PDE4B: variants seen among roughly 807,000 people sequenced by gnomAD.
PDE4B encodes the protein 3',5'-cyclic-AMP phosphodiesterase 4B.
In PDE4B, 20 loss-of-function variants were observed where a neutral mutation model predicts 82.2. The observed-to-expected ratio is 0.24, with a 90% CI of 0.17 to 0.35. The LOEUF is 0.35. Ranked by LOEUF, PDE4B falls within the 10% of genes least tolerant of loss-of-function variation. The probability of loss-of-function intolerance (pLI) is 1.00; values close to 1 mark genes in which losing one functional copy is unlikely to be tolerated. For missense variants in PDE4B, 655 were observed against 907.2 expected (o/e 0.72, Z 3.57); for synonymous variants, 320 against 318.9 (o/e 1.00, Z -0.04).
At chr1:65,842,869 A>T (rs1254066616) in intron 1 of PDE4B, among the ~76,000 whole-genome samples, 2 of 152,196 alleles carry the variant, frequency 1.3e-5, no homozygotes, top group Non-Finnish European at 2.9e-5. Flanking sequence ...TTCACAGAAG[A>T]GACATTGACA....
At chr1:66,316,159 A>G (rs1659014352) in intron 7 of PDE4B, among the ~76,000 whole-genome samples, 1 of 152,262 alleles carries the variant, frequency 6.6e-6, no homozygotes, top group South Asian at 2.1e-4. Context: ...GCTAAATTAA[A>G]GCAATCACCC....
At chr1:66,032,076 A>G (rs937607) in intron 3 of PDE4B, among the ~76,000 whole-genome samples, 15,337 of 152,262 alleles carry the variant, frequency 0.1, 909 homozygotes, top group Admixed American at 0.19. Context: ...CTCACCATCA[A>G]CTAGGCTTGT....
At chr1:66,299,970 A>C in intron 7 of PDE4B, among the ~76,000 whole-genome samples, 1 of 152,324 alleles carries the variant, frequency 6.6e-6, no homozygotes, top group South Asian at 2.1e-4. Flanking sequence ...TATATGTTAT[A>C]ATATGAATTA....
intron 16 of PDE4B, among the ~76,000 whole-genome samples, chr1:66,370,304 G>T (rs2050699554): frequency 6.6e-6 from 1 of 152,114 alleles, no homozygotes; most frequent in East Asian, 1.9e-4. Flanking sequence ...CAGTAAGGAG[G>T]AATAACACCC....
chr1:66,330,508 G>A (rs1478287626), intron 7 of PDE4B, among the ~76,000 whole-genome samples: 1 of 152,190 alleles, frequency 6.6e-6, no homozygotes, highest in Non-Finnish European at 1.5e-5. Flanking sequence ...TTGCATATCA[G>A]TGGATTCAAA....
At chr1:65,992,992 A>C (rs1254844885) in intron 3 of PDE4B, 1 of 1,614,012 alleles carries the variant, frequency 6.2e-7, no homozygotes, top group Non-Finnish European at 8.5e-7. Context: ...ATGCATTTAG[A>C]ACTTGAGCTT....
intron 3 of PDE4B, among the ~76,000 whole-genome samples, chr1:66,127,765 C>G (rs497677): frequency 0.31 from 46,736 of 151,902 alleles, 7,633 homozygotes; most frequent in Non-Finnish European, 0.36. Context: ...ATTTTTTTAT[C>G]CCCAGGAGAT....
At chr1:66,252,738 G>A (rs1209243151) in intron 4 of PDE4B, among the ~76,000 whole-genome samples, 3 of 152,158 alleles carry the variant, frequency 2.0e-5, no homozygotes, top group Non-Finnish European at 4.4e-5. Flanking sequence ...TTGAGTTTGA[G>A]ACCAGCCTGG....
At chr1:66,312,465 C>A (rs1412765611) in intron 7 of PDE4B, among the ~76,000 whole-genome samples, 2 of 152,198 alleles carry the variant, frequency 1.3e-5, no homozygotes, top group Non-Finnish European at 2.9e-5. Flanking sequence ...GCTGGTCAGA[C>A]CTTTCTCACC....
chr1:65,986,671 A>C (rs1481707416), intron 3 of PDE4B, among the ~76,000 whole-genome samples: 2 of 152,222 alleles, frequency 1.3e-5, no homozygotes, highest in Non-Finnish European at 2.9e-5. Context: ...TGTAGCAAAC[A>C]GTATTTGGGG....
At chr1:66,131,654 GGAT>G (rs1475982040) in intron 3 of PDE4B, among the ~76,000 whole-genome samples, 2 of 110,022 alleles carry the variant, frequency 1.8e-5, no homozygotes, top group East Asian at 6.3e-4. Flanking sequence ...ACCAGGGAAA[GGAT>G]GATGATTTAA....
intron 3 of PDE4B, among the ~76,000 whole-genome samples, chr1:66,211,068 G>A (rs934741000): frequency 6.6e-6 from 1 of 152,176 alleles, no homozygotes; most frequent in African/African-American, 2.4e-5. Flanking sequence ...TCCTCCTGAT[G>A]ACAGAGCACA....
chr1:66,328,180 C>T (rs2101905353), intron 7 of PDE4B, among the ~76,000 whole-genome samples: 1 of 152,298 alleles, frequency 6.6e-6, no homozygotes, highest in African/African-American at 2.4e-5. Context: ...TTCTCAGAGT[C>T]AAATGCAATA....
chr1:66,315,787 C>T (rs1017546737), intron 7 of PDE4B, among the ~76,000 whole-genome samples: 4 of 152,176 alleles, frequency 2.6e-5, no homozygotes, highest in Admixed American at 6.5e-5. Context: ...CCATTAGCAA[C>T]TTCAGTGGCC....
chr1:66,060,225 G>A (rs577925442), intron 3 of PDE4B, among the ~76,000 whole-genome samples: 1 of 152,152 alleles, frequency 6.6e-6, no homozygotes, highest in Non-Finnish European at 1.5e-5. Context: ...TAGGGCTAGT[G>A]AACACAGACT....
chr1:65,814,040 G>A (rs950689121), intron 1 of PDE4B, among the ~76,000 whole-genome samples: 5 of 152,138 alleles, frequency 3.3e-5, no homozygotes, highest in African/African-American at 1.2e-4. Flanking sequence ...AGAAGTCCAA[G>A]TTTTGAGCTT....
chr1:65,841,450 T>G (rs957801292), intron 1 of PDE4B, among the ~76,000 whole-genome samples: 2 of 152,088 alleles, frequency 1.3e-5, no homozygotes, highest in African/African-American at 4.8e-5. Context: ...ATGCTTAGTA[T>G]AGAGGAGTCT....
At chr1:65,841,356 AAGAG>A (rs995567159) in intron 1 of PDE4B, among the ~76,000 whole-genome samples, 1 of 150,586 alleles carries the variant, frequency 6.6e-6, no homozygotes, top group Non-Finnish European at 1.5e-5. Flanking sequence ...GGAAGAAAGA[AAGAG>A]AGAGAAAGGG....
chr1:66,152,030 A>T (rs919064589), intron 3 of PDE4B, among the ~76,000 whole-genome samples: 1 of 152,236 alleles, frequency 6.6e-6, no homozygotes, highest in African/African-American at 2.4e-5. Context: ...GTAAAAAGAC[A>T]CCATAAAAAC....
Sources: allele counts gnomAD v4.1 joint callset (sites outside exome capture counted in the v4.1 genomes callset), GRCh38; gene constraint gnomAD v4.1.1; transcripts MANE v1.5; gene names NCBI Gene and HGNC (gene_info 2026-07-23, HGNC 2026-07-21).